ZC3H13: variants seen among roughly 807,000 people sequenced by gnomAD.
ZC3H13 encodes zinc finger CCCH-type containing 13.
Under a neutral mutation model 204.1 loss-of-function variants are expected in ZC3H13, and 64 were observed. The observed-to-expected ratio is 0.31, with a 90% CI of 0.26 to 0.39. ZC3H13 has a LOEUF of 0.39. Ranked by LOEUF, ZC3H13 falls within the 10% of genes least tolerant of loss-of-function variation. ZC3H13 has a pLI of 1.00. For missense variants in ZC3H13, 1,833 were observed against 2,082.7 expected, an observed-to-expected ratio of 0.88 and a Z score of 2.33; for synonymous variants, 667 against 693.7, an observed-to-expected ratio of 0.96 and a Z score of 0.60.
intron 3 of ZC3H13, among the ~76,000 whole-genome samples, chr13:46,044,220 T>C (rs2043787235): frequency 6.6e-6 from 1 of 151,696 alleles, no homozygotes; most frequent in Non-Finnish European, 1.5e-5. Flanking sequence ...GTTTTTATAG[T>C]GTTGCTATGC....
chr13:46,031,302 A>T (rs1297822701), intron 4 of ZC3H13, among the ~76,000 whole-genome samples: 1 of 152,086 alleles, frequency 6.6e-6, no homozygotes, highest in African/African-American at 2.4e-5. Context: ...CTTAAAATGG[A>T]TCATAGATCT....
chr13:46,047,841 T>C (rs1295626436), intron 1 of ZC3H13, among the ~76,000 whole-genome samples: 1 of 152,150 alleles, frequency 6.6e-6, no homozygotes, highest in African/African-American at 2.4e-5. Flanking sequence ...ATAAACAAAA[T>C]TGAATAGGTT....
Position 46,042,166 on chromosome 13 carries a change from T to C in ZC3H13, c.337A>G (p.Arg113Gly), listed in dbSNP as rs750647743. Residue 113 changes from arginine (R) to glycine (G), a missense_variant and splice_region_variant, in exon 4 of 19, where the codon AGG becomes GGG. This residue lies in a region of ZC3H13 where 1,574 missense variants were observed against 1,757.2 expected (regional missense o/e 0.90). Coordinates refer to ENST00000679008, the MANE Select transcript of ZC3H13 (RefSeq NM_001330564.2). The part of the protein sequence containing the change: ...RNTEESSSPV[R>G]KESSRGRHRE... ...TGTTTTGGGAAATTCAATCCTACCC[T>C]AACAGGTGAGGATGACTCCTCTGTA... 14 of 1,611,662 alleles carry C rather than the reference T, an allele frequency of 8.7e-6. No homozygotes were observed. The highest frequency in any genetic ancestry group is 1.2e-5 in the Non-Finnish European group (14 of 1,178,052).
rs75115076 is a variant in ZC3H13 at position 46,009,005 on chromosome 13, G to A, written c.746+1343C>T. ...AATAACCAAGATCCCAATCTTCAAG[G>A]AGCTTAAATTTAATAAAGGTTATAA... On this transcript the variant is annotated intron_variant, in intron 7 of 18. Transcript: ENST00000679008. 1.6e-3 allele frequency among the ~76,000 whole-genome samples: 242 copies of A among 152,194 alleles called. 1 individual carries two copies. Among genetic ancestry groups the A allele is most frequent in the Non-Finnish European group, 2.3e-3 (159 of 67,974 alleles).
At chr13:46,045,644 T>TAA in intron 1 of ZC3H13, 128 bp from the exon 2 acceptor site, 12 of 556,762 alleles carry the variant, frequency 2.2e-5, no homozygotes, top group South Asian at 4.6e-5. Flanking sequence ...CTTGGGAGAT[T>TAA]AAAAAAAAAA....
intron 4 of ZC3H13, among the ~76,000 whole-genome samples, chr13:46,041,823 T>C (rs994047439): frequency 4.6e-5 from 7 of 152,112 alleles, no homozygotes; most frequent in African/African-American, 1.7e-4. Flanking sequence ...GCCACTTCAA[T>C]CTTTCTTGGA....
chr13:45,966,510 A>G (rs1952098811), intron 15 of ZC3H13, among the ~76,000 whole-genome samples: 1 of 152,208 alleles, frequency 6.6e-6, no homozygotes, highest in African/African-American at 2.4e-5. Context: ...TACATCACAT[A>G]GCAAGTGATT....
At chr13:46,048,446 T>C in intron 1 of ZC3H13, among the ~76,000 whole-genome samples, 1 of 151,922 alleles carries the variant, frequency 6.6e-6, no homozygotes, top group East Asian at 1.9e-4. Flanking sequence ...CCGGGCGTGG[T>C]GGCAGGCGCC....
At chr13:46,020,890 T>C (rs1333808354) in intron 4 of ZC3H13, among the ~76,000 whole-genome samples, 2 of 152,086 alleles carry the variant, frequency 1.3e-5, no homozygotes, top group Non-Finnish European at 2.9e-5. Flanking sequence ...GCAAATCTAA[T>C]ACTTTAACAA....
intron 4 of ZC3H13, among the ~76,000 whole-genome samples, chr13:46,022,554 C>G (rs75687860): frequency 6.6e-6 from 1 of 151,872 alleles, no homozygotes; most frequent in Non-Finnish European, 1.5e-5. Context: ...AACAGAATGG[C>G]TTCTCATCTT....
At chr13:46,001,141 A>T (rs1352965340) in intron 8 of ZC3H13, 1 of 152,256 alleles carries the variant, frequency 6.6e-6, no homozygotes, top group Non-Finnish European at 1.5e-5. Context: ...CAAGAATTAC[A>T]GAGACACAAA....
chr13:46,004,302 AG>A (rs2040967179), intron 7 of ZC3H13, among the ~76,000 whole-genome samples: 1 of 151,656 alleles, frequency 6.6e-6, no homozygotes, highest in Non-Finnish European at 1.5e-5. Flanking sequence ...TGGGAGGCAG[AG>A]GAGGGAGGGG....
intron 4 of ZC3H13, among the ~76,000 whole-genome samples, chr13:46,038,997 G>C (rs1396085195): frequency 6.6e-6 from 1 of 152,152 alleles, no homozygotes; most frequent in East Asian, 1.9e-4. Context: ...ACTCCAGTCT[G>C]GGAGACAGGG....
chr13:46,014,601 A>T (rs985152766), intron 5 of ZC3H13, among the ~76,000 whole-genome samples: 1 of 152,158 alleles, frequency 6.6e-6, no homozygotes, highest in African/African-American at 2.4e-5. Flanking sequence ...ACGTTTTCTA[A>T]ATTCATTAAC....
At chr13:46,029,670 C>T (rs1004029614) in intron 4 of ZC3H13, among the ~76,000 whole-genome samples, 7 of 151,602 alleles carry the variant, frequency 4.6e-5, no homozygotes, top group African/African-American at 1.2e-4. Context: ...CCTCGTGATC[C>T]GCCCGCCTCG....
intron 17 of ZC3H13, among the ~76,000 whole-genome samples, chr13:45,960,859 A>G (rs947816274): frequency 1.3e-5 from 2 of 152,234 alleles, no homozygotes; most frequent in Non-Finnish European, 2.9e-5. Flanking sequence ...GCTGCAATAC[A>G]TAGCCGATTT....
intron 7 of ZC3H13, among the ~76,000 whole-genome samples, chr13:46,008,305 T>C (rs1034137522): frequency 1.3e-4 from 16 of 120,676 alleles, no homozygotes; most frequent in African/African-American, 5.4e-4. Flanking sequence ...GTAAACTGCA[T>C]AAATGTTATA....
In ZC3H13 at chr13:45,969,497, A is replaced by G. The variant is rs780959558; in HGVS notation, c.3047T>C (p.Ile1016Thr). Residue 1016 changes from isoleucine (I) to threonine (T), a missense_variant, in exon 14 of 19, where the codon ATT (isoleucine) becomes ACT (threonine). Coordinates refer to ENST00000679008, the MANE Select transcript of ZC3H13 (RefSeq NM_001330564.2). ...TTGCTGGGCTGCTTCTTCATCAGAA[A>G]TATCAGAATCACCTTTGGATTTTTT... is the stretch of plus-strand genomic sequence containing the variant. ...KRKKSKGDSD[I>T]SDEEAAQQSK... The G allele has an allele frequency of 1.2e-6, 2 of 1,608,448 alleles. No homozygotes were observed. Among genetic ancestry groups the G allele is most frequent in the East Asian group, 2.2e-5 (1 of 44,838 alleles).
intron 4 of ZC3H13, among the ~76,000 whole-genome samples, chr13:46,024,164 A>G (rs2042390912): frequency 6.6e-6 from 1 of 152,184 alleles, no homozygotes; most frequent in South Asian, 2.1e-4. Context: ...ATCCAAAGTG[A>G]TCTGCCTGGC....
Sources: gnomAD v4.1 joint callset for allele counts (sites outside exome capture counted in the v4.1 genomes callset) on GRCh38, gnomAD v4.1.1 for gene constraint, gnomAD v4.1.1 regional missense constraint, MANE v1.5 for transcripts, NCBI Gene and HGNC (gene_info 2026-07-23, HGNC 2026-07-21) for gene names.